Variants in SUPT3H observed in about 807,000 individuals in gnomAD.
SUPT3H encodes the protein SPT3 homolog, SAGA and STAGA complex component.
Under a neutral mutation model 44.3 loss-of-function variants are expected in SUPT3H, and 44 were observed. The ratio of observed to expected loss-of-function variants is 0.99; its 90% CI spans 0.78 to 1.28. The LOEUF (loss-of-function observed/expected upper bound fraction) is 1.28, where lower values mean the gene tolerates loss of function less well. Among genes scored for constraint, SUPT3H ranks in the 50% most tolerant of loss-of-function variants. SUPT3H has a pLI of 0.00. For synonymous variants in SUPT3H, 124 were observed against 125.6 expected (o/e 0.99, Z 0.09); for missense variants, 380 against 387.1 (o/e 0.98, Z 0.15).
rs773577779 is a variant in SUPT3H, at chr6:44,932,649, G to A, written c.912+4C>T. ...TAACTTTTTATAACTCTGTTATTACGTACTGTGAATGGGGAAAGTGGGCCA... is the reference window on the plus strand; with the variant it reads ...TAACTTTTTATAACTCTGTTATTACATACTGTGAATGGGGAAAGTGGGCCA... On this transcript the variant is annotated splice_donor_region_variant and intron_variant, in intron 10 of 10. Coordinates refer to ENST00000371459, the MANE Select transcript of SUPT3H (RefSeq NM_003599.4). 1.1e-5 allele frequency: 17 copies of A among 1,591,350 alleles called. No homozygotes were observed. Among genetic ancestry groups the A allele is most frequent in the African/African-American group, 2.7e-5 (2 of 73,766 alleles).
intron 3 of SUPT3H, among the ~76,000 whole-genome samples, chr6:45,028,373 A>G (rs1225515078): frequency 4.6e-5 from 7 of 151,920 alleles, no homozygotes; most frequent in Non-Finnish European, 1.0e-4. Context: ...GGAACCTTCA[A>G]TCCCAAACTT....
intron 2 of SUPT3H, among the ~76,000 whole-genome samples, chr6:45,169,948 T>G (rs975084142): frequency 1.3e-5 from 2 of 152,200 alleles, no homozygotes; most frequent in Non-Finnish European, 2.9e-5. Flanking sequence ...TATTTACTTT[T>G]GAGTCTGGCA....
chr6:45,039,257 T>C (rs1788144402), intron 3 of SUPT3H, among the ~76,000 whole-genome samples: 1 of 152,154 alleles, frequency 6.6e-6, no homozygotes, highest in African/African-American at 2.4e-5. Flanking sequence ...AAAGAATAAA[T>C]TACTATACTT....
intron 1 of SUPT3H, among the ~76,000 whole-genome samples, chr6:45,373,496 T>C (rs1172704692): frequency 6.6e-6 from 1 of 152,264 alleles, no homozygotes; most frequent in African/African-American, 2.4e-5. Context: ...GTAGAAAATA[T>C]ATTGTGACCA....
chr6:45,310,730 C>T (rs918767592), intron 2 of SUPT3H, among the ~76,000 whole-genome samples: 7 of 152,090 alleles, frequency 4.6e-5, no homozygotes, highest in South Asian at 2.1e-4. Flanking sequence ...GAAAAGGGGG[C>T]GAGTACTACA....
rs189023795 is a variant in SUPT3H, at chr6:45,102,506, T to C, written c.186+3416A>G. On this transcript the variant is annotated intron_variant, in intron 3 of 10. Transcript: ENST00000371459. ...TCACAATAATTTATTATATAAAATATCCACTTTTAAAAAAATTATTAGACA... is the reference window on the plus strand; with the variant it reads ...TCACAATAATTTATTATATAAAATACCCACTTTTAAAAAAATTATTAGACA... Among the ~76,000 whole-genome samples, 1,376 of 151,976 alleles carry C rather than the reference T, an allele frequency of 9.1e-3. 14 individuals are homozygous for C. Among genetic ancestry groups the C allele is most frequent in the South Asian group, 0.028 (137 of 4,816 alleles).
chr6:45,085,830 A>T (rs1583460438), intron 3 of SUPT3H, among the ~76,000 whole-genome samples: 1 of 152,124 alleles, frequency 6.6e-6, no homozygotes, highest in South Asian at 2.1e-4. Context: ...AAGAAGAATG[A>T]TAATTTTTGC....
intron 3 of SUPT3H, among the ~76,000 whole-genome samples, chr6:45,044,595 G>A (rs1345412222): frequency 6.6e-6 from 1 of 152,074 alleles, no homozygotes; most frequent in Non-Finnish European, 1.5e-5. Context: ...CACTATACCA[G>A]GAATTTAATT....
intron 2 of SUPT3H, among the ~76,000 whole-genome samples, chr6:45,244,400 T>A (rs1462876636): frequency 6.6e-6 from 1 of 152,200 alleles, no homozygotes; most frequent in Non-Finnish European, 1.5e-5. Flanking sequence ...TCATTATTCA[T>A]CTCATTTTTA....
rs571499115 is a variant in SUPT3H, at chr6:45,048,129, T to G, written c.187-27497A>C. On this transcript the variant is annotated intron_variant, in intron 3 of 10. Coordinates refer to ENST00000371459, the MANE Select transcript of SUPT3H (RefSeq NM_003599.4). ...ATAGTAAAGTGTATTATTTTCTTAC[T>G]ATTGAGTTCCTTATAGATTCTGAAT... Among the ~76,000 whole-genome samples the G allele has an allele frequency of 1.1e-4, 17 of 152,094 alleles. 1 individual carries two copies. The South Asian group carries it at 3.5e-3, about 32-fold the overall frequency.
intron 10 of SUPT3H, among the ~76,000 whole-genome samples, chr6:44,907,552 A>T (rs1766306958): frequency 6.6e-6 from 1 of 151,992 alleles, no homozygotes; most frequent in Non-Finnish European, 1.5e-5. Flanking sequence ...GTGGTACACA[A>T]CTGTAATCCC....
chr6:45,079,829 C>T (rs1017764511), intron 3 of SUPT3H, among the ~76,000 whole-genome samples: 1 of 152,152 alleles, frequency 6.6e-6, no homozygotes, highest in African/African-American at 2.4e-5. Flanking sequence ...AATCTAAGAC[C>T]TCAAACTATG....
intron 2 of SUPT3H, among the ~76,000 whole-genome samples, chr6:45,356,405 TTTC>T (rs1325219021): frequency 3.3e-5 from 5 of 152,086 alleles, no homozygotes; most frequent in Non-Finnish European, 7.4e-5. Context: ...TTTCTTTTTT[TTTC>T]TTTTTTTGAG....
At chr6:45,357,982 C>T (rs911075208) in intron 2 of SUPT3H, among the ~76,000 whole-genome samples, 2 of 151,856 alleles carry the variant, frequency 1.3e-5, no homozygotes, top group Non-Finnish European at 1.5e-5. Context: ...AAAAATGGAA[C>T]ATAAATGTAA....
intron 1 of SUPT3H, among the ~76,000 whole-genome samples, chr6:45,375,941 T>G (rs1796717097): frequency 6.6e-6 from 1 of 152,164 alleles, no homozygotes; most frequent in Admixed American, 6.5e-5. Flanking sequence ...AGTTCTAAAA[T>G]GTCCTAATGC....
intron 11 of SUPT3H, among the ~76,000 whole-genome samples, chr6:44,819,659 G>A (rs1767150564): frequency 6.6e-6 from 1 of 151,920 alleles, no homozygotes. Flanking sequence ...GGGCATGGTG[G>A]CATGTGCTTT....
chr6:45,272,037 A>G (rs1776276070), intron 2 of SUPT3H, among the ~76,000 whole-genome samples: 1 of 152,144 alleles, frequency 6.6e-6, no homozygotes, highest in African/African-American at 2.4e-5. Context: ...TATTTACCCA[A>G]TGATGTACTC....
intron 2 of SUPT3H, among the ~76,000 whole-genome samples, chr6:45,245,329 T>C (rs1445843650): frequency 6.6e-6 from 1 of 152,122 alleles, no homozygotes; most frequent in Non-Finnish European, 1.5e-5. Context: ...ATTCTTAAGG[T>C]TAAAATTCAG....
At chr6:44,859,821 T>C (rs115237182) in intron 10 of SUPT3H, among the ~76,000 whole-genome samples, 106 of 152,356 alleles carry the variant, frequency 7.0e-4, no homozygotes, top group African/African-American at 2.5e-3. Flanking sequence ...TTCTGCTTTA[T>C]AACTTAACCC....
Sources: allele counts gnomAD v4.1 joint callset (sites outside exome capture counted in the v4.1 genomes callset), GRCh38; gene constraint gnomAD v4.1.1; transcripts MANE v1.5; gene names NCBI Gene and HGNC (gene_info 2026-07-23, HGNC 2026-07-21).